Variants in ORC3 observed in about 807,000 individuals in gnomAD.
ORC3 encodes homolog of latheo, Drosophila.
ORC3 carries 78 observed loss-of-function variants against 100.7 expected under a neutral mutation model. The ratio of observed to expected loss-of-function variants is 0.77; its 90% CI spans 0.65 to 0.94. The LOEUF (loss-of-function observed/expected upper bound fraction) is 0.94, where lower values mean the gene tolerates loss of function less well. Ranked by LOEUF, ORC3 falls within the 40% of genes least tolerant of loss-of-function variation. The pLI, the probability that ORC3 is intolerant of heterozygous loss-of-function variation, is 0.00. For missense variants in ORC3, 789 were observed against 823.9 expected, an observed-to-expected ratio of 0.96 and a Z score of 0.52; for synonymous variants, 295 against 289.3, an observed-to-expected ratio of 1.02 and a Z score of -0.20.
At chr6:87,603,795 T>C (rs1287598093) in intron 4 of ORC3, among the ~76,000 whole-genome samples, 1 of 152,226 alleles carries the variant, frequency 6.6e-6, no homozygotes, top group Non-Finnish European at 1.5e-5. Flanking sequence ...AGGGAAAATA[T>C]ATTTGTTTTA....
intron 13 of ORC3, among the ~76,000 whole-genome samples, chr6:87,651,985 G>A (rs775786529): frequency 1.3e-5 from 2 of 150,254 alleles, no homozygotes; most frequent in Non-Finnish European, 3.0e-5. Context: ...TGCAACCTCC[G>A]ACTCCCCGGT....
At chr6:87,594,061 A>G (rs930382946) in intron 1 of ORC3, among the ~76,000 whole-genome samples, 1 of 152,236 alleles carries the variant, frequency 6.6e-6, no homozygotes, top group Admixed American at 6.5e-5. Context: ...CTTAAATTTA[A>G]TCAGCTTTTA....
intron 13 of ORC3, among the ~76,000 whole-genome samples, chr6:87,638,860 A>T (rs1021064456): frequency 6.6e-6 from 1 of 151,952 alleles, no homozygotes; most frequent in African/African-American, 2.4e-5. Context: ...AAGTACTTAT[A>T]TGTGAATAAG....
At chr6:87,628,540 A>G (rs1302308057) in intron 11 of ORC3, among the ~76,000 whole-genome samples, 1 of 152,206 alleles carries the variant, frequency 6.6e-6, no homozygotes, top group Non-Finnish European at 1.5e-5. Context: ...TCACGTCTTT[A>G]TACCTATTTT....
In ORC3 at chr6:87,609,217, T is replaced by TACTAC; in HGVS notation, c.702_703insCTACA (p.Ile235LeufsTer14). ...GCCACAAAAGTACTACAAGACTTCA[T>TACTAC]AATTATCAGCAGGTAGATGGTGTAT... On this transcript the variant is annotated frameshift_variant, in exon 7 of 20. Coordinates refer to ENST00000392844, the MANE Select transcript of ORC3 (RefSeq NM_012381.4). LOFTEE classifies it high-confidence loss of function. 6.3e-7 allele frequency: 1 copy of TACTAC among 1,595,662 alleles called. No homozygotes were observed. Among genetic ancestry groups the TACTAC allele is most frequent in the South Asian group, 1.1e-5 (1 of 87,242 alleles).
chr6:87,673,324 T>C, the ORC3 span, among the ~76,000 whole-genome samples: 3 of 151,806 alleles, frequency 2.0e-5, no homozygotes, highest in Non-Finnish European at 2.9e-5. Context: ...TAACCAGTGG[T>C]TCTTAGCTGG....
intron 14 of ORC3, among the ~76,000 whole-genome samples, chr6:87,653,915 G>A (rs968162449): frequency 6.6e-6 from 1 of 152,126 alleles, no homozygotes; most frequent in East Asian, 1.9e-4. Flanking sequence ...GCCATGTTCT[G>A]TTCCCTAAAT....
chr6:87,645,270 A>G (rs1239964954), intron 13 of ORC3, among the ~76,000 whole-genome samples: 1 of 152,182 alleles, frequency 6.6e-6, no homozygotes, highest in East Asian at 1.9e-4. Flanking sequence ...GGTCAGGGCT[A>G]GGGTGCTGAG....
At chr6:87,600,028 T>G (rs901253272) in intron 2 of ORC3, among the ~76,000 whole-genome samples, 6 of 152,178 alleles carry the variant, frequency 3.9e-5, no homozygotes, top group Non-Finnish European at 8.8e-5. Context: ...TGTTGGCATT[T>G]TAATTCTATA....
chr6:87,668,989 A>C (rs926592575), downstream of ORC3, among the ~76,000 whole-genome samples: 1 of 151,938 alleles, frequency 6.6e-6, no homozygotes, highest in African/African-American at 2.4e-5. Context: ...TATCAAAAAA[A>C]TAAAATAAAA....
Position 87,637,529 on chromosome 6 carries a change from A to G in ORC3, c.1382+1043A>G, listed in dbSNP as rs568669947. 5.9e-5 allele frequency among the ~76,000 whole-genome samples: 9 copies of G among 152,314 alleles called. No homozygotes were observed. The South Asian group carries it at 1.4e-3, about 25-fold the overall frequency. Reference sequence around the variant, plus strand: ...ATCCCAATAAGATTTCTATGTATTTATAAGCTTATGTCAACTATAGTATTT... The same window carrying G: ...ATCCCAATAAGATTTCTATGTATTTGTAAGCTTATGTCAACTATAGTATTT... On this transcript the variant is annotated intron_variant, in intron 13 of 19. Transcript: ENST00000392844.
chr6:87,623,484 C>T, intron 11 of ORC3, among the ~76,000 whole-genome samples: 1 of 152,226 alleles, frequency 6.6e-6, no homozygotes, highest in South Asian at 2.1e-4. Flanking sequence ...CCTGCTAGAA[C>T]TTTCTGTCAG....
At chr6:87,629,589 T>A (rs918445245) in intron 11 of ORC3, among the ~76,000 whole-genome samples, 2 of 95,742 alleles carry the variant, frequency 2.1e-5, no homozygotes, top group Admixed American at 1.2e-4. Flanking sequence ...TTCAGGGGGT[T>A]ACAGGTGCAG....
chr6:87,591,478 G>A (rs1421507820), intron 1 of ORC3, among the ~76,000 whole-genome samples: 2 of 152,210 alleles, frequency 1.3e-5, no homozygotes, highest in Admixed American at 6.5e-5. Context: ...TTCAAAGGTA[G>A]TATTTTTATT....
intron 9 of ORC3, among the ~76,000 whole-genome samples, chr6:87,617,373 T>C (rs1779233796): frequency 6.6e-6 from 1 of 152,170 alleles, no homozygotes; most frequent in South Asian, 2.1e-4. Context: ...GTTAGTATTA[T>C]TTCCTTTTCT....
intron 15 of ORC3, 59 bp from the exon 16 acceptor site, chr6:87,657,862 C>G (rs1374819955): frequency 2.3e-6 from 2 of 882,328 alleles, no homozygotes; most frequent in Non-Finnish European, 3.8e-6. Flanking sequence ...CAACAGAGCT[C>G]CCTCTGAGGG....
intron 2 of ORC3, among the ~76,000 whole-genome samples, chr6:87,596,888 T>C (rs1294606348): frequency 6.6e-6 from 1 of 152,174 alleles, no homozygotes; most frequent in Non-Finnish European, 1.5e-5. Context: ...TAATTACAGG[T>C]AATACTCTTC....
intron 8 of ORC3, among the ~76,000 whole-genome samples, chr6:87,612,870 AGT>A (rs1265248498): frequency 2.0e-5 from 3 of 152,178 alleles, no homozygotes; most frequent in Non-Finnish European, 4.4e-5. Context: ...GGCCTCCCAA[AGT>A]GCTGGGATTA....
the ORC3 span, among the ~76,000 whole-genome samples, chr6:87,676,596 AAC>A: frequency 0.022 from 3,092 of 142,072 alleles, 62 homozygotes; most frequent in African/African-American, 0.052. Flanking sequence ...CTCTACTAAA[AAC>A]ACACACACAC....
Sources: gnomAD v4.1 joint callset for allele counts (sites outside exome capture counted in the v4.1 genomes callset) on GRCh38, gnomAD v4.1.1 for gene constraint, MANE v1.5 for transcripts, NCBI Gene and HGNC (gene_info 2026-07-23, HGNC 2026-07-21) for gene names.